Variants in TBC1D12 observed in about 807,000 individuals in gnomAD.
TBC1D12 encodes the protein TBC1 domain family, member 12.
In TBC1D12, 56 loss-of-function variants were observed where a neutral mutation model predicts 86.7. That is an observed-to-expected ratio of 0.65 (90% CI 0.52 to 0.81). The LOEUF (loss-of-function observed/expected upper bound fraction) is 0.81. Ranked by LOEUF, TBC1D12 falls within the 30% of genes least tolerant of loss-of-function variation. The pLI is 0.00. For synonymous variants in TBC1D12, 421 were observed against 411.7 expected, an observed-to-expected ratio of 1.02 and a Z score of -0.27; for missense variants, 1,023 against 1,038.8, an observed-to-expected ratio of 0.98 and a Z score of 0.21.
intron 1 of TBC1D12, among the ~76,000 whole-genome samples, chr10:94,422,636 G>A (rs550221358): frequency 7.2e-5 from 11 of 152,174 alleles, no homozygotes; most frequent in East Asian, 3.9e-4. Context: ...GTGCAGTGGC[G>A]TGACCATAGC....
At chr10:94,426,664 G>A (rs190898050) in intron 1 of TBC1D12, among the ~76,000 whole-genome samples, 230 of 152,074 alleles carry the variant, frequency 1.5e-3, no homozygotes, top group Middle Eastern at 0.01. Context: ...TGCAACCTCT[G>A]CCTCCCAGGT....
intron 11 of TBC1D12, among the ~76,000 whole-genome samples, chr10:94,527,029 T>G (rs1842307854): frequency 1.3e-5 from 2 of 152,062 alleles, no homozygotes; most frequent in South Asian, 4.1e-4. Flanking sequence ...TTTGTGTGTC[T>G]TCTTTTGAGC....
intron 3 of TBC1D12, among the ~76,000 whole-genome samples, chr10:94,492,057 C>T (rs1039080734): frequency 2.0e-5 from 3 of 152,058 alleles, no homozygotes; most frequent in Admixed American, 6.6e-5. Context: ...CCATAGAGCA[C>T]GGTGTTCAGT....
chr10:94,403,388 G>A lies in TBC1D12; in HGVS notation c.775G>A (p.Gly259Ser), dbSNP rs2054799154. 1.3e-6 allele frequency: 2 copies of A among 1,544,930 alleles called. No homozygotes were observed. The highest frequency in any genetic ancestry group is 2.0e-5 in the Admixed American group (1 of 50,992). ...CACCTCGGCCGAGAGGACTAATGGG[G>A]GTGCGGAGCCGCGCCTGGGCTTTTC... ...PATSAERTNG[G>S]AEPRLGFSDI... The change falls in exon 1 of 13, where the codon GGT becomes AGT. Residue 259 changes from glycine (G) to serine (S), a missense_variant. Gly to Ser is a moderately conservative substitution (Grantham distance 56). Around this residue, in one of 2 missense-constraint regions of TBC1D12, gnomAD observed 628 missense variants for 531.1 expected, o/e 1.18. Coordinates refer to ENST00000225235, the MANE Select transcript of TBC1D12 (RefSeq NM_015188.2).
chr10:94,472,683 A>G (rs1266656718), intron 2 of TBC1D12, among the ~76,000 whole-genome samples: 1 of 152,224 alleles, frequency 6.6e-6, no homozygotes, highest in Non-Finnish European at 1.5e-5. Flanking sequence ...GTTTGTAATG[A>G]AGAAAAGAAA....
chr10:94,516,597 G>C (rs1841999227), intron 9 of TBC1D12, among the ~76,000 whole-genome samples: 1 of 127,000 alleles, frequency 7.9e-6, no homozygotes, highest in African/African-American at 3.1e-5. Flanking sequence ...GCCCCCGTGT[G>C]TGATGTTCCC....
intron 7 of TBC1D12, 55 bp from the exon 8 acceptor site, chr10:94,510,024 GTATTTATAAAAT>G: frequency 9.2e-7 from 1 of 1,083,928 alleles, no homozygotes; most frequent in Non-Finnish European, 1.4e-6. Context: ...TGATCATTCT[GTATTTATAAAAT>G]TGGACTTGTT....
intron 9 of TBC1D12, 149 bp downstream of exon 9, chr10:94,511,803 C>T (rs944919132): frequency 1.6e-6 from 1 of 636,114 alleles, no homozygotes; most frequent in Non-Finnish European, 2.7e-6. Context: ...AAGAATCTTT[C>T]TATCTCTTGC....
At chr10:94,493,236 C>T in intron 3 of TBC1D12, 129 bp from the exon 4 acceptor site, 2 of 707,436 alleles carry the variant, frequency 2.8e-6, no homozygotes, top group Non-Finnish European at 2.5e-6. Flanking sequence ...TTCAGCCTTT[C>T]ACTTCCTTAA....
intron 9 of TBC1D12, among the ~76,000 whole-genome samples, chr10:94,516,574 C>A (rs1042561620): frequency 7.8e-6 from 1 of 128,398 alleles, no homozygotes; most frequent in Non-Finnish European, 1.6e-5. Context: ...CCCCTCCCCC[C>A]ACCCCATGAC....
chr10:94,489,750 A>T (rs2056221187), intron 3 of TBC1D12, among the ~76,000 whole-genome samples: 1 of 152,192 alleles, frequency 6.6e-6, no homozygotes, highest in South Asian at 2.1e-4. Context: ...TATCCCAAGA[A>T]ATAGGGATGC....
intron 9 of TBC1D12, among the ~76,000 whole-genome samples, chr10:94,519,776 A>G (rs1040839364): frequency 2.0e-5 from 3 of 152,158 alleles, no homozygotes; most frequent in Non-Finnish European, 2.9e-5. Flanking sequence ...AGCATCTTCA[A>G]ATCTCTCTCT....
intron 3 of TBC1D12, among the ~76,000 whole-genome samples, chr10:94,479,367 A>G (rs2056043801): frequency 6.6e-6 from 1 of 152,134 alleles, no homozygotes; most frequent in African/African-American, 2.4e-5. Context: ...TATTAACATA[A>G]TGAAAAGGGA....
intron 2 of TBC1D12, among the ~76,000 whole-genome samples, chr10:94,458,072 G>T (rs1447405118): frequency 6.6e-6 from 1 of 152,056 alleles, no homozygotes; most frequent in African/African-American, 2.4e-5. Flanking sequence ...TGGTTTGATT[G>T]TTTATCCCCT....
intron 4 of TBC1D12, among the ~76,000 whole-genome samples, chr10:94,496,451 C>T (rs2056322572): frequency 6.6e-6 from 1 of 152,030 alleles, no homozygotes; most frequent in Non-Finnish European, 1.5e-5. Flanking sequence ...AGTTAATATA[C>T]TAATAATGCT....
chr10:94,411,712 G>A (rs774393743), intron 1 of TBC1D12, among the ~76,000 whole-genome samples: 1 of 152,204 alleles, frequency 6.6e-6, no homozygotes, highest in African/African-American at 2.4e-5. Flanking sequence ...GCTCATGCCT[G>A]CATTCGGAGC....
chr10:94,528,137 G>A (rs1342698218), intron 11 of TBC1D12, among the ~76,000 whole-genome samples: 1 of 151,742 alleles, frequency 6.6e-6, no homozygotes, highest in African/African-American at 2.4e-5. Context: ...TTTTGATAGG[G>A]ATTTTATGGA....
intron 2 of TBC1D12, among the ~76,000 whole-genome samples, chr10:94,460,621 G>T (rs2055712985): frequency 6.6e-6 from 1 of 151,108 alleles, no homozygotes. Flanking sequence ...GAGCTTCCTG[G>T]ATCTTTGATT....
intron 3 of TBC1D12, among the ~76,000 whole-genome samples, chr10:94,489,903 C>T (rs13376759): frequency 3.9e-5 from 6 of 152,100 alleles, no homozygotes; most frequent in Non-Finnish European, 8.8e-5. Context: ...ACAAAAATCA[C>T]CTATCACAGA....
Sources: gnomAD v4.1 joint callset for allele counts (sites outside exome capture counted in the v4.1 genomes callset) on GRCh38, gnomAD v4.1.1 for gene constraint, gnomAD v4.1.1 regional missense constraint, MANE v1.5 for transcripts, NCBI Gene and HGNC (gene_info 2026-07-23, HGNC 2026-07-21) for gene names.